Variants in CCT6B observed in about 807,000 individuals in gnomAD.
CCT6B encodes the protein probable T-complex protein 1 subunit zeta-2.
Under a neutral mutation model 61.5 loss-of-function variants are expected in CCT6B, and 49 were observed. The ratio of observed to expected loss-of-function variants is 0.80; its 90% CI spans 0.63 to 1.01. The LOEUF (loss-of-function observed/expected upper bound fraction) is 1.01. Ranked by LOEUF, CCT6B falls within the 50% of genes least tolerant of loss-of-function variation. The pLI is 0.00. For missense variants in CCT6B, 666 were observed against 634.7 expected (o/e 1.05, Z -0.53); for synonymous variants, 228 against 214.5 (o/e 1.06, Z -0.55).
Position 34,928,981 on chromosome 17 carries a change from T to C in CCT6B, c.1504A>G (p.Lys502Glu). The change falls in exon 13 of 14, where the codon AAA (lysine) becomes GAA (glutamate). Residue 502 changes from lysine to glutamate, a missense_variant. Coordinates refer to ENST00000314144, the MANE Select transcript of CCT6B (RefSeq NM_006584.4). ...AGVWDNYCVK[K>E]QLLHSCTVIA... The stretch of plus-strand genomic sequence containing the variant: ...ACTTACCAAGAGTGAAGAAGTTGTT[T>C]TTTTACACAATAATTATCCCAAACT... 1 of 1,605,104 alleles carries C rather than the reference T, an allele frequency of 6.2e-7. No homozygotes were observed. The highest frequency in any genetic ancestry group is 1.1e-5 in the South Asian group (1 of 90,246).
chr17:34,940,300 T>C (rs1307268249), intron 8 of CCT6B, among the ~76,000 whole-genome samples: 1 of 152,220 alleles, frequency 6.6e-6, no homozygotes, highest in Non-Finnish European at 1.5e-5. Flanking sequence ...TGTTTTGTTT[T>C]TAAAATCTGT....
chr17:34,932,534 T>G (rs773315875), intron 10 of CCT6B, 34 bp from the exon 11 acceptor site: 2 of 1,571,650 alleles, frequency 1.3e-6, no homozygotes, highest in Middle Eastern at 3.4e-4. Flanking sequence ...TGGCAAGACA[T>G]GCCATAAAGA....
intron 10 of CCT6B, 73 bp downstream of exon 10, chr17:34,939,108 GGT>G: frequency 2.1e-5 from 24 of 1,155,730 alleles, no homozygotes; most frequent in South Asian, 5.8e-5. Flanking sequence ...TACATACATA[GGT>G]GTGTGTGTAT....
At chr17:34,942,241 T>C (rs1338827474) in intron 7 of CCT6B, among the ~76,000 whole-genome samples, 1 of 152,100 alleles carries the variant, frequency 6.6e-6, no homozygotes. Flanking sequence ...CGATGACTAC[T>C]AGTATAGTTT....
intron 5 of CCT6B, among the ~76,000 whole-genome samples, chr17:34,949,088 A>G (rs1310471448): frequency 2.4e-5 from 3 of 127,408 alleles, no homozygotes; most frequent in African/African-American, 3.0e-5. Flanking sequence ...AGGGGAGGGG[A>G]GGGGAGGGAA....
intron 10 of CCT6B, among the ~76,000 whole-genome samples, chr17:34,937,608 G>A (rs2090109461): frequency 6.6e-6 from 1 of 152,098 alleles, no homozygotes; most frequent in Admixed American, 6.5e-5. Context: ...ACATAAGACT[G>A]TAACACTTTT....
chr17:34,929,491 CTT>C lies in CCT6B; in HGVS notation c.1451-459_1451-458del, dbSNP rs112985335. On this transcript the variant is annotated intron_variant, in intron 12 of 13. Coordinates refer to ENST00000314144, the MANE Select transcript of CCT6B (RefSeq NM_006584.4). ...GGTGTTTTTGTTTTTTGTTTTCTTT[CTT>C]TTTTTTTTTTTTTTTGGTGTTTTTT... is the stretch of plus-strand genomic sequence containing the variant. Among the ~76,000 whole-genome samples, 550 of 126,728 alleles carry C rather than the reference CTT, an allele frequency of 4.3e-3. 2 individuals are homozygous for C. Among genetic ancestry groups the C allele is most frequent in the South Asian group, 0.014 (57 of 4,032 alleles). The allele number at this position is 126,728 out of a possible 152,430, so 83.1% of individuals were successfully genotyped here. A position where few individuals can be genotyped will look rare whatever the true frequency, so the allele number is the denominator to read the frequency against.
intron 11 of CCT6B, among the ~76,000 whole-genome samples, chr17:34,931,776 G>A (rs1220790472): frequency 1.3e-5 from 2 of 152,132 alleles, no homozygotes; most frequent in African/African-American, 4.8e-5. Context: ...TTTAATTCAT[G>A]GTAATAGCAT....
At chr17:34,953,340 TA>T (rs201875217) in intron 4 of CCT6B, among the ~76,000 whole-genome samples, 164 of 140,680 alleles carry the variant, frequency 1.2e-3, no homozygotes, top group African/African-American at 2.9e-3. Context: ...TATATATATA[TA>T]TTTTTTTGAG....
At chr17:34,950,452 A>G (rs1323134902) in intron 5 of CCT6B, among the ~76,000 whole-genome samples, 1 of 152,232 alleles carries the variant, frequency 6.6e-6, no homozygotes. Flanking sequence ...AAATGGTGAT[A>G]CCACTACAGA....
At chr17:34,940,794 ATATT>A (rs529076330) in intron 7 of CCT6B, among the ~76,000 whole-genome samples, 173 bp from the exon 8 acceptor site, 6 of 152,078 alleles carry the variant, frequency 3.9e-5, no homozygotes, top group African/African-American at 1.4e-4. Flanking sequence ...AATTTTTAAA[ATATT>A]TATTAATTCA....
chr17:34,929,316 G>T (rs1189464084), intron 12 of CCT6B, among the ~76,000 whole-genome samples: 2 of 151,846 alleles, frequency 1.3e-5, no homozygotes, highest in Non-Finnish European at 2.9e-5. Context: ...TTACTTTGCT[G>T]CTTCTTCCTC....
chr17:34,948,045 ATTTGCTTTT>A (rs1216003371), intron 5 of CCT6B, among the ~76,000 whole-genome samples: 1 of 151,978 alleles, frequency 6.6e-6, no homozygotes, highest in African/African-American at 2.4e-5. Flanking sequence ...AAACTTTTTA[ATTTGCTTTT>A]TTTATTGTAA....
Position 34,954,589 on chromosome 17 carries a change from G to C in CCT6B, c.347C>G (p.Pro116Arg), listed in dbSNP as rs1597760202. 1.2e-6 allele frequency: 2 copies of C among 1,612,420 alleles called. No homozygotes were observed. Among genetic ancestry groups the C allele is most frequent in the South Asian group, 2.2e-5 (2 of 90,838 alleles). ...TTCAAATCCTTCAGCTATTATTCTAGGGTGCAGGCCCTGTTACATCAACAT... is the reference window on the plus strand; with the variant it reads ...TTCAAATCCTTCAGCTATTATTCTACGGTGCAGGCCCTGTTACATCAACAT... The part of the protein sequence containing the change: ...ADLYISEGLH[P>R]RIIAEGFEAA... Residue 116 changes from proline to arginine, a missense_variant, in exon 4 of 14, where the codon CCT becomes CGT. Physicochemically the swap from Pro to Arg is moderately radical, Grantham distance 103 (BLOSUM62 -2). Transcript: ENST00000314144.
intron 4 of CCT6B, among the ~76,000 whole-genome samples, chr17:34,953,341 A>T (rs8077688): frequency 0.69 from 95,897 of 139,658 alleles, 33,192 homozygotes; most frequent in East Asian, 0.91. Context: ...ATATATATAT[A>T]TTTTTTTGAG....
At chr17:34,953,907 T>G (rs1269895871) in intron 4 of CCT6B, among the ~76,000 whole-genome samples, 1 of 152,040 alleles carries the variant, frequency 6.6e-6, no homozygotes, top group Admixed American at 6.6e-5. Context: ...TGAGCTGAGA[T>G]CATGACACTG....
At chr17:34,937,612 C>T (rs2090109498) in intron 10 of CCT6B, among the ~76,000 whole-genome samples, 1 of 152,038 alleles carries the variant, frequency 6.6e-6, no homozygotes, top group Non-Finnish European at 1.5e-5. Flanking sequence ...AAGACTGTAA[C>T]ACTTTTAGAG....
At chr17:34,958,815 A>C in intron 2 of CCT6B, 121 bp from the exon 3 acceptor site, 2 of 664,734 alleles carry the variant, frequency 3.0e-6, no homozygotes, top group Non-Finnish European at 2.2e-6. Context: ...TCATTCTACA[A>C]GTTTACAAGT....
chr17:34,932,706 C>T (rs1183892590), intron 10 of CCT6B, among the ~76,000 whole-genome samples: 1 of 152,208 alleles, frequency 6.6e-6, no homozygotes, highest in Non-Finnish European at 1.5e-5. Flanking sequence ...AGATAACTGG[C>T]TGCAAACAGC....
Sources: allele counts gnomAD v4.1 joint callset (sites outside exome capture counted in the v4.1 genomes callset), GRCh38; gene constraint gnomAD v4.1.1; transcripts MANE v1.5; gene names NCBI Gene and HGNC (gene_info 2026-07-23, HGNC 2026-07-21).